The following TSPAN9 variants were observed in gnomAD, a reference collection of about 807,000 sequenced individuals.
TSPAN9 encodes tetraspanin-9.
TSPAN9 carries 16 observed loss-of-function variants against 31.0 expected under a neutral mutation model. That is an observed-to-expected ratio of 0.52 (90% CI 0.35 to 0.78). TSPAN9 has a LOEUF of 0.78. TSPAN9 is among the 30% of genes least tolerant of loss of function. The pLI is 0.01. For missense variants in TSPAN9, 272 were observed against 312.5 expected (o/e 0.87, Z 0.98); for synonymous variants, 145 against 121.6 (o/e 1.19, Z -1.27).
chr12:3,186,155 G>A (rs566936073), intron 2 of TSPAN9, among the ~76,000 whole-genome samples: 2 of 152,214 alleles, frequency 1.3e-5, no homozygotes, highest in African/African-American at 2.4e-5. Context: ...TCCCTCACTC[G>A]CCAGTTGCCT....
At chr12:3,194,783 A>G (rs1176248150) in intron 2 of TSPAN9, among the ~76,000 whole-genome samples, 2 of 152,142 alleles carry the variant, frequency 1.3e-5, no homozygotes, top group African/African-American at 4.8e-5. Flanking sequence ...CCCTTTCACC[A>G]TCGATGTTAC....
intron 2 of TSPAN9, among the ~76,000 whole-genome samples, chr12:3,184,086 G>A (rs2098359828): frequency 6.6e-6 from 1 of 152,108 alleles, no homozygotes; most frequent in Admixed American, 6.6e-5. Context: ...ATAGCTTCTG[G>A]GATCTTCCTT....
intron 2 of TSPAN9, among the ~76,000 whole-genome samples, chr12:3,171,471 C>G (rs920444380): frequency 2.6e-5 from 4 of 152,178 alleles, no homozygotes; most frequent in African/African-American, 9.7e-5. Flanking sequence ...GTCCTGATAG[C>G]CCCTGCTGTC....
At chr12:3,181,859 G>T (rs2098358746) in intron 2 of TSPAN9, among the ~76,000 whole-genome samples, 3 of 152,078 alleles carry the variant, frequency 2.0e-5, no homozygotes, top group Admixed American at 6.5e-5. Flanking sequence ...TATCTGACAG[G>T]CCACCTGCAG....
chr12:3,172,072 G>A lies in TSPAN9; in HGVS notation c.-17-29105G>A, dbSNP rs2098352176. ...TGAGCTGGATGATAAACGAAAGTGG[G>A]ACAGAGCTGCAGGATAAATATTGCT... is the stretch of plus-strand genomic sequence containing the variant. On this transcript the variant is annotated intron_variant, in intron 2 of 8. Coordinates refer to ENST00000011898, the MANE Select transcript of TSPAN9 (RefSeq NM_006675.5). The surrounding 1 kb of genome is among the most constrained non-coding windows in gnomAD (Gnocchi z 4.8). 6.6e-6 allele frequency: 1 copy of A among 152,254 alleles called. No individual in the cohort carries two copies. The highest frequency in any genetic ancestry group is 2.1e-4 in the South Asian group (1 of 4,824). 9.4% of individuals were successfully genotyped at this position (152,254 alleles called of 1,614,324 possible). A position where few individuals can be genotyped will look rare whatever the true frequency, so the allele number is the denominator to read the frequency against.
chr12:3,233,379 T>C (rs1427430495), intron 3 of TSPAN9, among the ~76,000 whole-genome samples: 2 of 152,196 alleles, frequency 1.3e-5, no homozygotes, highest in Admixed American at 1.3e-4. Flanking sequence ...CTAGCCCTGC[T>C]CCGTCCCTGT....
chr12:3,226,682 G>A (rs201451448), intron 3 of TSPAN9, among the ~76,000 whole-genome samples: 1,162 of 35,234 alleles, frequency 0.033, 73 homozygotes, highest in African/African-American at 0.084. Context: ...GTGTGTGTGT[G>A]TGTGTGTGTG....
At chr12:3,167,198 T>A (rs1201163736) in intron 2 of TSPAN9, among the ~76,000 whole-genome samples, 1 of 152,194 alleles carries the variant, frequency 6.6e-6, no homozygotes, top group Non-Finnish European at 1.5e-5. Context: ...TCCACGTAGC[T>A]GCAAGTGGCT....
At chr12:3,134,867 A>G (rs2098331372) in intron 2 of TSPAN9, among the ~76,000 whole-genome samples, 1 of 152,060 alleles carries the variant, frequency 6.6e-6, no homozygotes, top group Admixed American at 6.5e-5. Flanking sequence ...AGCGTGGAAG[A>G]GGCAGTGACG....
chr12:3,125,149 A>G (rs1222436267), intron 2 of TSPAN9: 1 of 152,242 alleles, frequency 6.6e-6, no homozygotes, highest in Non-Finnish European at 1.5e-5. Context: ...TTTTTTTTAA[A>G]AAAGAAGAAA....
chr12:3,174,757 T>C (rs35655386), intron 2 of TSPAN9, among the ~76,000 whole-genome samples: 43,240 of 133,270 alleles, frequency 0.32, 9,222 homozygotes, highest in South Asian at 0.46. Flanking sequence ...TAATTTTTTG[T>C]ATTTTTAGTA....
At chr12:3,279,914 G>A (rs1044453647) in intron 5 of TSPAN9, among the ~76,000 whole-genome samples, 1 of 152,106 alleles carries the variant, frequency 6.6e-6, no homozygotes, top group African/African-American at 2.4e-5. Context: ...TTCAACATCG[G>A]GTAGAACAGC....
At chr12:3,138,085 A>G (rs1469909358) in intron 2 of TSPAN9, among the ~76,000 whole-genome samples, 1 of 152,052 alleles carries the variant, frequency 6.6e-6, no homozygotes, top group Non-Finnish European at 1.5e-5. Flanking sequence ...CTAGGACTGC[A>G]TTTGTCGTCC....
At chr12:3,137,657 C>G (rs1341775694) in intron 2 of TSPAN9, among the ~76,000 whole-genome samples, 2 of 152,186 alleles carry the variant, frequency 1.3e-5, no homozygotes, top group African/African-American at 4.8e-5. Flanking sequence ...ACCCCCTGCT[C>G]CAGCTGCGTC....
chr12:3,110,882 T>G (rs1005411893), intron 2 of TSPAN9, among the ~76,000 whole-genome samples: 8 of 152,200 alleles, frequency 5.3e-5, no homozygotes, highest in African/African-American at 1.9e-4. Context: ...GTAGTGAACA[T>G]GTGTTGATTC....
At chr12:3,109,271 T>TGTGTGTGTGC (rs1175266571) in intron 2 of TSPAN9, among the ~76,000 whole-genome samples, 1 of 120,820 alleles carries the variant, frequency 8.3e-6, no homozygotes, top group Non-Finnish European at 1.6e-5. Flanking sequence ...ATATAGTCTG[T>TGTGTGTGTGC]GTGTGTGTGT....
At chr12:3,163,709 A>G (rs993599277) in intron 2 of TSPAN9, among the ~76,000 whole-genome samples, 5 of 152,196 alleles carry the variant, frequency 3.3e-5, no homozygotes, top group Non-Finnish European at 5.9e-5. Flanking sequence ...TCCATTGCGT[A>G]TAATTTACAT....
intron 2 of TSPAN9, among the ~76,000 whole-genome samples, chr12:3,155,863 G>A (rs2098342002): frequency 1.3e-5 from 2 of 152,146 alleles, no homozygotes; most frequent in South Asian, 2.1e-4. Flanking sequence ...CCTCCCCTCC[G>A]AGATCTCTAG....
At chr12:3,204,442 G>C (rs975708202) in intron 3 of TSPAN9, among the ~76,000 whole-genome samples, 1 of 152,192 alleles carries the variant, frequency 6.6e-6, no homozygotes. Context: ...GGCAGGTGGA[G>C]CCACACAGCC....
Sources: gnomAD v4.1 joint callset for allele counts (sites outside exome capture counted in the v4.1 genomes callset) on GRCh38, gnomAD v4.1.1 for gene constraint, Gnocchi (gnomAD v3.1) non-coding constraint, MANE v1.5 for transcripts, NCBI Gene and HGNC (gene_info 2026-07-23, HGNC 2026-07-21) for gene names.